The following CNTLN variants were observed in gnomAD, a reference collection of about 807,000 sequenced individuals.
CNTLN encodes centlein, also known as centlein, centrosomal protein.
CNTLN carries 212 observed loss-of-function variants against 180.0 expected under a neutral mutation model. The ratio of observed to expected loss-of-function variants is 1.18; its 90% CI spans 1.05 to 1.32. The LOEUF is 1.32. Among genes scored for constraint, CNTLN ranks in the 40% most tolerant of loss-of-function variants. The probability of loss-of-function intolerance (pLI) is 0.00; values close to 1 mark genes in which losing one functional copy is unlikely to be tolerated. For synonymous variants in CNTLN, 722 were observed against 563.1 expected (o/e 1.28, Z -3.99); for missense variants, 2,095 against 1,610.9 (o/e 1.30, Z -5.14).
chr9:17,259,728 A>C (rs897454142), intron 5 of CNTLN, among the ~76,000 whole-genome samples: 8 of 150,408 alleles, frequency 5.3e-5, no homozygotes, highest in African/African-American at 2.0e-4. Context: ...CGAGGAATTT[A>C]TCCATTTCTT....
intron 12 of CNTLN, among the ~76,000 whole-genome samples, chr9:17,354,043 C>G (rs988482534): frequency 2.0e-5 from 3 of 152,226 alleles, no homozygotes; most frequent in Non-Finnish European, 2.9e-5. Flanking sequence ...CCGACCAGCC[C>G]TGCCGGCCCC....
intron 12 of CNTLN, among the ~76,000 whole-genome samples, chr9:17,342,650 A>C (rs918016737): frequency 3.9e-5 from 6 of 152,212 alleles, no homozygotes; most frequent in African/African-American, 1.4e-4. Flanking sequence ...TCTAACAGAA[A>C]CTGGATAATA....
chr9:17,416,272 A>G, intron 18 of CNTLN, 83 bp downstream of exon 18: 1 of 1,192,678 alleles, frequency 8.4e-7, no homozygotes, highest in African/African-American at 1.5e-5. Context: ...TTTAGTTTAT[A>G]TTTGTGTTAG....
intron 2 of CNTLN, among the ~76,000 whole-genome samples, chr9:17,160,514 C>T (rs576001046): frequency 6.6e-6 from 1 of 152,312 alleles, no homozygotes; most frequent in South Asian, 2.1e-4. Context: ...TGCCCAAGTT[C>T]AGTCACTTCC....
chr9:17,340,790 T>G, intron 10 of CNTLN, 37 bp from the exon 11 acceptor site: 5 of 1,557,590 alleles, frequency 3.2e-6, no homozygotes, highest in Non-Finnish European at 4.3e-6. Context: ...AATACTTTCT[T>G]CAAACTTATA....
chr9:17,196,576 T>TA (rs1398361386), intron 2 of CNTLN, among the ~76,000 whole-genome samples: 1 of 151,932 alleles, frequency 6.6e-6, no homozygotes, highest in Non-Finnish European at 1.5e-5. Context: ...CTGAAGACTT[T>TA]AAAAAATAAG....
intron 18 of CNTLN, chr9:17,448,353 T>C (rs1427514216): frequency 6.6e-6 from 1 of 152,282 alleles, no homozygotes; most frequent in Admixed American, 6.5e-5. Flanking sequence ...TTACAAACGG[T>C]GATATTATCT....
chr9:17,375,321 A>G (rs1438491047), intron 13 of CNTLN, among the ~76,000 whole-genome samples: 1 of 152,228 alleles, frequency 6.6e-6, no homozygotes, highest in Non-Finnish European at 1.5e-5. Flanking sequence ...CAAAAAAAAT[A>G]GTTGGAAAGA....
chr9:17,354,265 AC>A (rs1472230913), intron 12 of CNTLN, among the ~76,000 whole-genome samples: 1 of 151,968 alleles, frequency 6.6e-6, no homozygotes, highest in African/African-American at 2.4e-5. Flanking sequence ...GACGAGCACC[AC>A]CCCCTGCTCC....
At position 17,388,258 on chromosome 9, in the gene CNTLN, T is replaced by G; in HGVS notation, c.2079+5T>G. ...TTGGAGCAGACATTACAGAAGGTAGTCTAATCTTTAAGATATTGAGCTGAG... is the reference window on the plus strand; with the variant it reads ...TTGGAGCAGACATTACAGAAGGTAGGCTAATCTTTAAGATATTGAGCTGAG... On this transcript the variant is annotated splice_donor_5th_base_variant and intron_variant, in intron 14 of 25. Coordinates refer to ENST00000380647, the MANE Select transcript of CNTLN (RefSeq NM_017738.4). The G allele has an allele frequency of 6.3e-7, 1 of 1,593,328 alleles. No individual in the cohort carries two copies. Among genetic ancestry groups the G allele is most frequent in the Non-Finnish European group, 8.6e-7 (1 of 1,161,960 alleles).
At chr9:17,351,242 T>C (rs1258265368) in intron 12 of CNTLN, among the ~76,000 whole-genome samples, 1 of 152,224 alleles carries the variant, frequency 6.6e-6, no homozygotes, top group Non-Finnish European at 1.5e-5. Context: ...AACTTTGTCA[T>C]AGGCGTTCTC....
At chr9:17,260,498 T>G (rs117090341) in intron 5 of CNTLN, among the ~76,000 whole-genome samples, 1,696 of 151,550 alleles carry the variant, frequency 0.011, 23 homozygotes, top group Middle Eastern at 0.017. Flanking sequence ...TTGCCCACTT[T>G]TTAATGGGAT....
chr9:17,166,853 A>G (rs979308737), intron 2 of CNTLN: 1 of 458,498 alleles, frequency 2.2e-6, no homozygotes, highest in African/African-American at 2.0e-5. Flanking sequence ...CAAAACGAAG[A>G]ATATACCAAA....
Position 17,431,967 on chromosome 9 carries a change from A to G in CNTLN, c.3114+15778A>G, listed in dbSNP as rs1169581356. ...GGGATACTGATAACTCTTCTGCAAA[A>G]GTATTCCTCTACATTGTGTGTAAAT... On this transcript the variant is annotated intron_variant, in intron 18 of 25. Coordinates refer to ENST00000380647, the MANE Select transcript of CNTLN (RefSeq NM_017738.4). 3.3e-5 allele frequency among the ~76,000 whole-genome samples: 5 copies of G among 152,228 alleles called. No homozygotes were observed. In the East Asian group the frequency reaches 9.6e-4, roughly 29 times the overall value.
At chr9:17,219,269 A>G (rs1158683475) in intron 2 of CNTLN, among the ~76,000 whole-genome samples, 1 of 139,982 alleles carries the variant, frequency 7.1e-6, no homozygotes, top group Non-Finnish European at 1.5e-5. Flanking sequence ...TTTTTTTTTT[A>G]GGTCTTGTAA....
intron 5 of CNTLN, among the ~76,000 whole-genome samples, chr9:17,261,767 A>G (rs10962956): frequency 0.23 from 34,957 of 151,348 alleles, 4,542 homozygotes; most frequent in South Asian, 0.36. Context: ...TCTGCACAGC[A>G]GAAGAAACTA....
At chr9:17,256,999 A>C (rs13288412) in intron 5 of CNTLN, among the ~76,000 whole-genome samples, 32,847 of 151,378 alleles carry the variant, frequency 0.22, 4,638 homozygotes, top group African/African-American at 0.41. Flanking sequence ...ATTATACTTT[A>C]AGTTTTAGGG....
chr9:17,246,275 G>A (rs551094342), intron 5 of CNTLN, among the ~76,000 whole-genome samples: 5 of 152,150 alleles, frequency 3.3e-5, no homozygotes, highest in Non-Finnish European at 7.4e-5. Context: ...CGTAAGCCCC[G>A]TAACACTGTG....
the CNTLN span, among the ~76,000 whole-genome samples, chr9:17,527,492 T>C: frequency 1.3e-5 from 2 of 152,232 alleles, no homozygotes; most frequent in African/African-American, 2.4e-5. Context: ...GATTCTGCGA[T>C]GCATGTATAC....
Sources: allele counts gnomAD v4.1 joint callset (sites outside exome capture counted in the v4.1 genomes callset), GRCh38; gene constraint gnomAD v4.1.1; transcripts MANE v1.5; gene names NCBI Gene and HGNC (gene_info 2026-07-23, HGNC 2026-07-21).